CDH13: variants seen among roughly 807,000 people sequenced by gnomAD.
The protein encoded by CDH13 is cadherin 13, also known as cadherin-13.
Under a neutral mutation model 63.8 loss-of-function variants are expected in CDH13, and 24 were observed. The ratio of observed to expected loss-of-function variants is 0.38; its 90% CI spans 0.27 to 0.53. The LOEUF (loss-of-function observed/expected upper bound fraction) is 0.53, where lower values mean the gene tolerates loss of function less well. Ranked by LOEUF, CDH13 falls within the 20% of genes least tolerant of loss-of-function variation. CDH13 has a pLI of 0.85. For missense variants in CDH13, 1,049 were observed against 903.1 expected (o/e 1.16, Z -2.07); for synonymous variants, 503 against 355.3 (o/e 1.42, Z -4.67).
intron 2 of CDH13, among the ~76,000 whole-genome samples, chr16:82,908,812 C>T (rs1351893295): frequency 1.3e-5 from 2 of 152,158 alleles, no homozygotes; most frequent in Admixed American, 6.5e-5. Context: ...GCACATTCTC[C>T]CTATACGGTT....
chr16:83,610,673 G>A (rs754919999), intron 8 of CDH13, among the ~76,000 whole-genome samples: 1 of 152,058 alleles, frequency 6.6e-6, no homozygotes, highest in Non-Finnish European at 1.5e-5. Context: ...ATTCATGTTC[G>A]TTACCATGCA....
At chr16:83,194,359 A>G (rs1272474556) in intron 4 of CDH13, among the ~76,000 whole-genome samples, 2 of 152,214 alleles carry the variant, frequency 1.3e-5, no homozygotes, top group Non-Finnish European at 2.9e-5. Flanking sequence ...TAAAAGCAAA[A>G]TGACTGACTA....
intron 3 of CDH13, among the ~76,000 whole-genome samples, chr16:83,061,460 A>G (rs1207774014): frequency 6.6e-6 from 1 of 152,304 alleles, no homozygotes; most frequent in Middle Eastern, 3.4e-3. Context: ...ATACAATGGG[A>G]TGAGTAACTG....
intron 4 of CDH13, among the ~76,000 whole-genome samples, chr16:83,139,371 G>C (rs950775540): frequency 7.2e-5 from 11 of 152,266 alleles, no homozygotes; most frequent in African/African-American, 2.4e-4. Flanking sequence ...GCTAAGAAAT[G>C]TGTAACAGCT....
intron 9 of CDH13, among the ~76,000 whole-genome samples, chr16:83,671,935 C>G (rs1237595138): frequency 6.6e-6 from 1 of 152,240 alleles, no homozygotes; most frequent in Non-Finnish European, 1.5e-5. Flanking sequence ...CACAGTTTCA[C>G]TCTTTCTGGG....
At chr16:83,043,164 A>G (rs1025108408) in intron 3 of CDH13, among the ~76,000 whole-genome samples, 1 of 152,202 alleles carries the variant, frequency 6.6e-6, no homozygotes, top group Non-Finnish European at 1.5e-5. Flanking sequence ...GATACTATTC[A>G]TATATAGATA....
chr16:82,667,524 G>A (rs529651986), intron 1 of CDH13, among the ~76,000 whole-genome samples: 4 of 152,286 alleles, frequency 2.6e-5, no homozygotes, highest in East Asian at 3.9e-4. Context: ...GATTGTGCAT[G>A]TATGATGGGG....
chr16:83,667,152 G>A lies in CDH13; in HGVS notation c.1102-3638G>A, dbSNP rs570721698. On this transcript the variant is annotated intron_variant, in intron 8 of 13. Transcript: ENST00000567109. The stretch of plus-strand genomic sequence containing the variant: ...GGATAAATAGATAGATGGATGGCAG[G>A]TAAATGCCGTTGTGGACCCATCCAA... 1.4e-3 allele frequency among the ~76,000 whole-genome samples: 211 copies of A among 152,148 alleles called. 1 individual carries two copies. The highest frequency in any genetic ancestry group is 3.5e-3 in the South Asian group (17 of 4,818).
intron 2 of CDH13, among the ~76,000 whole-genome samples, chr16:82,902,449 T>C (rs1263774916): frequency 6.6e-6 from 1 of 152,076 alleles, no homozygotes; most frequent in Non-Finnish European, 1.5e-5. Flanking sequence ...CATTGGTCTT[T>C]GACAAGCAAT....
intron 4 of CDH13, among the ~76,000 whole-genome samples, chr16:83,195,978 A>T (rs1168511921): frequency 1.3e-5 from 2 of 152,186 alleles, no homozygotes; most frequent in South Asian, 4.1e-4. Context: ...AAAGTGGTCC[A>T]GGCCCAGTAG....
chr16:83,026,186 G>C (rs1915781924), intron 2 of CDH13, among the ~76,000 whole-genome samples: 1 of 152,222 alleles, frequency 6.6e-6, no homozygotes, highest in Admixed American at 6.5e-5. Context: ...TGGTACCTCT[G>C]ATGATCCCAA....
intron 10 of CDH13, among the ~76,000 whole-genome samples, chr16:83,745,851 C>T (rs1322881552): frequency 6.6e-6 from 1 of 152,050 alleles, no homozygotes; most frequent in African/African-American, 2.4e-5. Context: ...TCCTCAGAGG[C>T]CACCTTTTCT....
At chr16:83,366,145 A>G (rs370397540) in intron 6 of CDH13, among the ~76,000 whole-genome samples, 47 of 152,356 alleles carry the variant, frequency 3.1e-4, no homozygotes, top group African/African-American at 1.1e-3. Flanking sequence ...CAACAAAATA[A>G]CAGGGATTTT....
intron 5 of CDH13, among the ~76,000 whole-genome samples, chr16:83,221,088 C>A (rs1221974281): frequency 1.3e-5 from 2 of 152,188 alleles, no homozygotes; most frequent in African/African-American, 4.8e-5. Flanking sequence ...GGATCCATAT[C>A]CATTTCTTTT....
chr16:83,666,864 A>G (rs1171662949), intron 8 of CDH13, among the ~76,000 whole-genome samples: 1 of 152,006 alleles, frequency 6.6e-6, no homozygotes, highest in Non-Finnish European at 1.5e-5. Flanking sequence ...CTCCCCAAGA[A>G]CTGTAATTTT....
intron 9 of CDH13, among the ~76,000 whole-genome samples, chr16:83,671,876 A>G (rs1241815224): frequency 6.6e-6 from 1 of 152,258 alleles, no homozygotes; most frequent in Non-Finnish European, 1.5e-5. Context: ...GTGGTAGCAC[A>G]GAAGGCTTGC....
At chr16:82,859,951 C>A (rs1019407473) in intron 2 of CDH13, among the ~76,000 whole-genome samples, 1 of 152,194 alleles carries the variant, frequency 6.6e-6, no homozygotes, top group Non-Finnish European at 1.5e-5. Flanking sequence ...TAAGTGAATT[C>A]CAATATGTGA....
chr16:82,803,627 G>A (rs2036985237), intron 1 of CDH13, among the ~76,000 whole-genome samples: 1 of 152,112 alleles, frequency 6.6e-6, no homozygotes, highest in Admixed American at 6.6e-5. Flanking sequence ...GCATGCCGTG[G>A]GATATCATTC....
At chr16:83,677,889 A>G (rs1372239015) in intron 9 of CDH13, among the ~76,000 whole-genome samples, 6 of 152,106 alleles carry the variant, frequency 3.9e-5, no homozygotes, top group African/African-American at 1.4e-4. Context: ...CTAAGGTTCA[A>G]GTCACTCACT....
Sources: allele counts gnomAD v4.1 joint callset (sites outside exome capture counted in the v4.1 genomes callset), GRCh38; gene constraint gnomAD v4.1.1; transcripts MANE v1.5; gene names NCBI Gene and HGNC (gene_info 2026-07-23, HGNC 2026-07-21).